PCSK2: variants seen among roughly 807,000 people sequenced by gnomAD.
PCSK2 encodes neuroendocrine convertase 2.
A neutral mutation model predicts 69.7 loss-of-function variants in PCSK2; 14 were observed. The observed-to-expected ratio is 0.20, with a 90% CI of 0.13 to 0.31. The LOEUF (loss-of-function observed/expected upper bound fraction) is 0.31. Among genes scored for constraint, PCSK2 ranks in the 10% least tolerant of loss-of-function variants. The pLI, the probability that PCSK2 is intolerant of heterozygous loss-of-function variation, is 1.00. For missense variants in PCSK2, 544 were observed against 842.5 expected (o/e 0.65, Z 4.39); for synonymous variants, 307 against 320.7 (o/e 0.96, Z 0.46).
At chr20:17,417,413 G>A (rs976693621) in intron 6 of PCSK2, among the ~76,000 whole-genome samples, 5 of 152,286 alleles carry the variant, frequency 3.3e-5, no homozygotes, top group Admixed American at 3.3e-4. Context: ...GCCTTAGGGA[G>A]CCAATGATTA....
At chr20:17,435,165 A>C (rs2032458135) in intron 7 of PCSK2, among the ~76,000 whole-genome samples, 1 of 152,204 alleles carries the variant, frequency 6.6e-6, no homozygotes. Context: ...CCTGTTATTC[A>C]TTCTTCTGGA....
Position 17,484,120 on chromosome 20 carries a change from C to T in PCSK2, c.*2050C>T, listed in dbSNP as rs978588127. The T allele has an allele frequency of 1.1e-4, 16 of 152,250 alleles. No homozygotes were observed. The highest frequency in any genetic ancestry group is 3.9e-4 in the African/African-American group (16 of 41,412). 9.4% of individuals were successfully genotyped at this position (152,250 alleles called of 1,614,324 possible). A position where few individuals can be genotyped will look rare whatever the true frequency, so the allele number is the denominator to read the frequency against. On this transcript the variant is annotated 3_prime_UTR_variant, in exon 12 of 12. Transcript: ENST00000262545. ...TTCAGGTGAAAATGTTCATCAATTC[C>T]CATTGCATCACCTCTGTAATTTTTC...
chr20:17,348,680 G>A (rs1332644872), intron 2 of PCSK2, among the ~76,000 whole-genome samples: 3 of 152,224 alleles, frequency 2.0e-5, no homozygotes, highest in African/African-American at 4.8e-5. Context: ...AGGGCCATGA[G>A]GGAAGGACCT....
chr20:17,271,941 G>A (rs546376055), intron 2 of PCSK2, among the ~76,000 whole-genome samples: 23 of 152,152 alleles, frequency 1.5e-4, no homozygotes, highest in African/African-American at 3.6e-4. Context: ...TGACTAGTCC[G>A]TGACTTCATT....
chr20:17,340,246 C>T (rs1296327429), intron 2 of PCSK2, among the ~76,000 whole-genome samples: 2 of 152,208 alleles, frequency 1.3e-5, no homozygotes, highest in Non-Finnish European at 1.5e-5. Flanking sequence ...CATTTGATAG[C>T]AGTAGCATTT....
At chr20:17,454,208 T>C (rs1269990802) in intron 9 of PCSK2, among the ~76,000 whole-genome samples, 1 of 152,242 alleles carries the variant, frequency 6.6e-6, no homozygotes, top group Non-Finnish European at 1.5e-5. Context: ...TTTTCTTGTT[T>C]ATTGTTTCTG....
chr20:17,336,722 C>T (rs568498373), intron 2 of PCSK2, among the ~76,000 whole-genome samples: 49 of 152,274 alleles, frequency 3.2e-4, no homozygotes, highest in Admixed American at 2.6e-3. Flanking sequence ...TAATACAGCT[C>T]GCCCCTGTGG....
intron 2 of PCSK2, among the ~76,000 whole-genome samples, chr20:17,318,830 A>G (rs1989772946): frequency 6.6e-6 from 1 of 152,244 alleles, no homozygotes; most frequent in Non-Finnish European, 1.5e-5. Flanking sequence ...AGAGAGAAAT[A>G]CATCTGCCAC....
chr20:17,310,256 T>C (rs758667730), intron 2 of PCSK2, among the ~76,000 whole-genome samples: 10 of 152,164 alleles, frequency 6.6e-5, no homozygotes, highest in Non-Finnish European at 1.0e-4. Context: ...TGATACCTAA[T>C]TGGCTTAGAA....
chr20:17,246,640 A>G (rs552818157), intron 1 of PCSK2, among the ~76,000 whole-genome samples: 6 of 152,290 alleles, frequency 3.9e-5, no homozygotes, highest in African/African-American at 4.8e-5. Context: ...ACTCTCTGCT[A>G]TGGAAGTTAG....
At chr20:17,259,381 G>A (rs956500592) in intron 1 of PCSK2, among the ~76,000 whole-genome samples, 3 of 152,188 alleles carry the variant, frequency 2.0e-5, no homozygotes, top group Admixed American at 2.0e-4. Flanking sequence ...GTGGAGAAAA[G>A]GGAGAGATCT....
At chr20:17,456,723 G>A (rs77833374) in intron 10 of PCSK2, among the ~76,000 whole-genome samples, 2,821 of 152,304 alleles carry the variant, frequency 0.019, 86 homozygotes, top group African/African-American at 0.064. Flanking sequence ...CAGATACCCA[G>A]TGAAGGCACA....
intron 1 of PCSK2, among the ~76,000 whole-genome samples, chr20:17,242,181 A>G (rs755929174): frequency 1.6e-4 from 24 of 152,160 alleles, no homozygotes; most frequent in Non-Finnish European, 3.1e-4. Flanking sequence ...TCCTGGAATT[A>G]CAGAAGAGAA....
At chr20:17,234,138 G>T (rs971399851) in intron 1 of PCSK2, among the ~76,000 whole-genome samples, 1 of 152,196 alleles carries the variant, frequency 6.6e-6, no homozygotes, top group Non-Finnish European at 1.5e-5. Flanking sequence ...TTGCTAGAGT[G>T]AATCTCTAAA....
At chr20:17,406,176 A>G (rs923202546) in intron 5 of PCSK2, among the ~76,000 whole-genome samples, 5 of 152,226 alleles carry the variant, frequency 3.3e-5, no homozygotes, top group Non-Finnish European at 7.3e-5. Flanking sequence ...ATTCAAGGCC[A>G]GTTTAACTTA....
At chr20:17,305,992 G>C (rs1290368613) in intron 2 of PCSK2, among the ~76,000 whole-genome samples, 7 of 152,142 alleles carry the variant, frequency 4.6e-5, no homozygotes, top group Non-Finnish European at 1.0e-4. Flanking sequence ...ACATTTTTCT[G>C]CAAATGTGTT....
intron 7 of PCSK2, among the ~76,000 whole-genome samples, chr20:17,433,544 C>T (rs1749681723): frequency 6.6e-6 from 1 of 152,216 alleles, no homozygotes; most frequent in African/African-American, 2.4e-5. Context: ...CTCAAATCCC[C>T]TGGACATGCA....
chr20:17,268,031 GTGTATATATATATATATATA>G (rs1361934741), intron 2 of PCSK2, among the ~76,000 whole-genome samples: 1 of 117,900 alleles, frequency 8.5e-6, no homozygotes, highest in African/African-American at 2.9e-5. Context: ...TATATCCAAT[GTGTATATATATATATATATA>G]TATATATATA....
Position 17,481,953 on chromosome 20 carries a change from C to T in PCSK2, c.1800C>T (p.Ile600=), listed in dbSNP as rs956180844. The change falls in exon 12 of 12, where the codon ATC becomes ATT. Residue 600 remains isoleucine, a synonymous_variant. Coordinates refer to ENST00000262545, the MANE Select transcript of PCSK2 (RefSeq NM_002594.5). ...ATGGCACTCAGAGTGCCCCGTACAT[C>T]GACCAGGTGGTGCGGGATTACCAGT... ...MLHGTQSAPY[I]DQVVRDYQSK... The T allele has an allele frequency of 7.4e-6, 12 of 1,613,260 alleles. No homozygotes were observed. In the Admixed American group the frequency reaches 1.3e-4, roughly 18 times the overall value.
Sources: gnomAD v4.1 joint callset for allele counts (sites outside exome capture counted in the v4.1 genomes callset) on GRCh38, gnomAD v4.1.1 for gene constraint, MANE v1.5 for transcripts, NCBI Gene and HGNC (gene_info 2026-07-23, HGNC 2026-07-21) for gene names.